VPS13B: variants seen among roughly 807,000 people sequenced by gnomAD.
The protein encoded by VPS13B is intermembrane lipid transfer protein VPS13B.
A neutral mutation model predicts 426.4 loss-of-function variants in VPS13B; 285 were observed. The ratio of observed to expected loss-of-function variants is 0.67; its 90% CI spans 0.61 to 0.74. The LOEUF (loss-of-function observed/expected upper bound fraction) is 0.74. VPS13B is among the 30% of genes least tolerant of loss of function. The pLI is 0.00. For missense variants in VPS13B, 4,537 were observed against 4,782.6 expected, an observed-to-expected ratio of 0.95 and a Z score of 1.51; for synonymous variants, 1,676 against 1,676.4, an observed-to-expected ratio of 1.00 and a Z score of 0.01.
Position 99,178,369 on chromosome 8 carries a change from T to C in VPS13B, c.2333+8206T>C, listed in dbSNP as rs1412431851. On this transcript the variant is annotated intron_variant, in intron 16 of 61. Transcript: ENST00000357162. Reference sequence around the variant, plus strand: ...TTCCCATATTCAAAAGATCAGATAGTGCTTAGGTTAGTGACAGAAGAAAAT... The same window carrying C: ...TTCCCATATTCAAAAGATCAGATAGCGCTTAGGTTAGTGACAGAAGAAAAT... Among the ~76,000 whole-genome samples, 3 of 143,906 alleles carry C rather than the reference T, an allele frequency of 2.1e-5. No individual in the cohort carries two copies. In the East Asian group the frequency reaches 6.3e-4, roughly 30 times the overall value. The allele number at this position is 143,906 out of a possible 152,430, so 94.4% of individuals were successfully genotyped here. A position where few individuals can be genotyped will look rare whatever the true frequency, so the allele number is the denominator to read the frequency against.
At chr8:99,834,022 A>G (rs1815233697) in intron 52 of VPS13B, among the ~76,000 whole-genome samples, 1 of 152,236 alleles carries the variant, frequency 6.6e-6, no homozygotes. Context: ...CACACATTAG[A>G]TGGTGTGATT....
intron 43 of VPS13B, among the ~76,000 whole-genome samples, chr8:99,796,290 G>T (rs1812808673): frequency 6.6e-6 from 1 of 152,182 alleles, no homozygotes; most frequent in South Asian, 2.1e-4. Context: ...ATAAAAGCCA[G>T]ATTACAGTGG....
At chr8:99,050,191 C>A (rs190061436) in intron 3 of VPS13B, among the ~76,000 whole-genome samples, 1 of 151,924 alleles carries the variant, frequency 6.6e-6, no homozygotes, top group Non-Finnish European at 1.5e-5. Flanking sequence ...CCCCTCCCCC[C>A]ACCACACAAC....
intron 39 of VPS13B, among the ~76,000 whole-genome samples, chr8:99,722,184 C>T (rs1833157811): frequency 1.3e-5 from 2 of 152,154 alleles, no homozygotes; most frequent in Non-Finnish European, 1.5e-5. Context: ...CATTACCAAC[C>T]TTGGTCTTCG....
rs1246623533 is a variant in VPS13B, at chr8:99,768,642, C to T, written c.7247+1672C>T. ...ATAATGTGTTTTGTGTTTTATATTT[C>T]ATATATTCTATTTCTAGGTCATTTG... On this transcript the variant is annotated intron_variant, in intron 40 of 61. Coordinates refer to ENST00000357162, the MANE Select transcript of VPS13B (RefSeq NM_152564.5). Among the ~76,000 whole-genome samples, 6 of 152,116 alleles carry T rather than the reference C, an allele frequency of 3.9e-5. No individual in the cohort carries two copies. In the East Asian group the frequency reaches 1.2e-3, roughly 29 times the overall value.
intron 19 of VPS13B, among the ~76,000 whole-genome samples, chr8:99,296,393 A>G (rs1014974996): frequency 5.3e-5 from 8 of 152,184 alleles, no homozygotes; most frequent in African/African-American, 1.9e-4. Flanking sequence ...AGTACTACAT[A>G]TTTATATATA....
At chr8:99,613,208 T>C (rs1349892364) in intron 33 of VPS13B, among the ~76,000 whole-genome samples, 1 of 152,230 alleles carries the variant, frequency 6.6e-6, no homozygotes, top group East Asian at 1.9e-4. Flanking sequence ...CTTTTAGGTC[T>C]TTCTGGAGGG....
intron 33 of VPS13B, 129 bp from the exon 34 acceptor site, chr8:99,641,682 G>A: frequency 1.1e-6 from 1 of 870,282 alleles, no homozygotes; most frequent in Non-Finnish European, 1.7e-6. Flanking sequence ...CTATTTTTCT[G>A]ATTACTGTTT....
chr8:99,625,110 A>G (rs1435272661), intron 33 of VPS13B, among the ~76,000 whole-genome samples: 1 of 152,152 alleles, frequency 6.6e-6, no homozygotes, highest in Non-Finnish European at 1.5e-5. Flanking sequence ...AAGCCTGAGA[A>G]CACACAAACA....
At chr8:99,423,214 A>G (rs1057170465) in intron 21 of VPS13B, among the ~76,000 whole-genome samples, 4 of 151,816 alleles carry the variant, frequency 2.6e-5, no homozygotes, top group Admixed American at 2.0e-4. Flanking sequence ...TACTATTTCC[A>G]TAGCATATTC....
Position 99,661,457 on chromosome 8 carries a change from A to G in VPS13B, c.6012A>G (p.Ile2004Met), listed in dbSNP as rs1303039629. ...AAAGTGGTATTCCACCTTCCTTTAT[A>G]ACACTACAGATTAAAGACTTTCTGA... The part of the protein sequence containing the change: ...DSKSGIPPSF[I>M]TLQIKDFLNG... Residue 2004 changes from isoleucine to methionine, a missense_variant, in exon 35 of 62, where the codon ATA becomes ATG. This residue lies in a region of VPS13B where 4,311 missense variants were observed against 4,474.3 expected (regional missense o/e 0.96). Coordinates refer to ENST00000357162, the MANE Select transcript of VPS13B (RefSeq NM_152564.5). 1 of 1,613,546 alleles carries G rather than the reference A, an allele frequency of 6.2e-7. No homozygotes were observed.
chr8:99,131,167 A>G (rs1045501372), intron 8 of VPS13B, among the ~76,000 whole-genome samples: 1 of 152,190 alleles, frequency 6.6e-6, no homozygotes, highest in African/African-American at 2.4e-5. Flanking sequence ...ACAGGTTGCA[A>G]AGATAGTACA....
rs1451352816 is a variant in VPS13B at position 99,861,862 on chromosome 8, C to T, written c.11131C>T (p.Gln3711Ter). The T allele has an allele frequency of 1.2e-5, 19 of 1,602,098 alleles. No individual in the cohort carries two copies. The highest frequency in any genetic ancestry group is 1.4e-5 in the Non-Finnish European group (17 of 1,175,042). Residue 3711 changes from glutamine (Q) to a stop codon, truncating the protein, a stop_gained, in exon 58 of 62, where the codon CAG becomes TAG. Coordinates refer to ENST00000357162, the MANE Select transcript of VPS13B (RefSeq NM_152564.5). LOFTEE classifies it high-confidence loss of function. ...LSLDEEHYNRQEEWRRQLPES... is the reference protein window; with the variant it reads ...LSLDEEHYNR ...ACTGGATGAGGAGCACTACAACCGG[C>T]AGGAGGAGTGGCGGCGGCAGCTCCC...
intron 16 of VPS13B, among the ~76,000 whole-genome samples, chr8:99,190,842 T>G (rs1364188388): frequency 6.6e-6 from 1 of 152,160 alleles, no homozygotes; most frequent in Non-Finnish European, 1.5e-5. Context: ...TCTTTTTTTT[T>G]TAAAAAATTC....
Position 99,337,480 on chromosome 8 carries a change from T to A in VPS13B, c.2825-46728T>A, listed in dbSNP as rs533126258. Reference sequence around the variant, plus strand: ...TATACGTATGTAACTAACCTGCACATTGTGCACATGTACCCTAAAACTTAA... The same window carrying A: ...TATACGTATGTAACTAACCTGCACAATGTGCACATGTACCCTAAAACTTAA... On this transcript the variant is annotated intron_variant, in intron 19 of 61. Coordinates refer to ENST00000357162, the MANE Select transcript of VPS13B (RefSeq NM_152564.5). Among the ~76,000 whole-genome samples the A allele has an allele frequency of 1.1e-4, 17 of 151,910 alleles. No homozygotes were observed. The South Asian group carries it at 3.3e-3, about 30-fold the overall frequency.
rs371666483 is a variant in VPS13B, at chr8:99,135,747, T to C, written c.1563+14T>C. 2.5e-6 allele frequency: 4 copies of C among 1,612,748 alleles called. No homozygotes were observed. The African/African-American group carries it at 4.0e-5, about 16-fold the overall frequency. On this transcript the variant is annotated intron_variant, in intron 11 of 61. Transcript: ENST00000357162. ...ACTCATCATAAGGTTAGAGAATATA[T>C]ATTTGAACCAAATTCTAGGCTGTGT...
intron 21 of VPS13B, among the ~76,000 whole-genome samples, chr8:99,413,740 TGTGA>T (rs1815826779): frequency 6.6e-6 from 1 of 152,198 alleles, no homozygotes; most frequent in Non-Finnish European, 1.5e-5. Flanking sequence ...GCTGTGTGGT[TGTGA>T]GTGACTTTCT....
At chr8:99,442,882 G>C (rs3105195) in intron 23 of VPS13B, among the ~76,000 whole-genome samples, 3 of 151,762 alleles carry the variant, frequency 2.0e-5, no homozygotes, top group Non-Finnish European at 1.5e-5. Flanking sequence ...AAATGTAAAC[G>C]TAGGAAAAAT....
At position 99,342,595 on chromosome 8, in the gene VPS13B, A is replaced by ATAG. The variant is rs1811313559; in HGVS notation, c.2825-41608_2825-41606dup. Among the ~76,000 whole-genome samples, 5 of 152,158 alleles carry ATAG rather than the reference A, an allele frequency of 3.3e-5. No homozygotes were observed. The South Asian group carries it at 1.0e-3, about 32-fold the overall frequency. On this transcript the variant is annotated intron_variant, in intron 19 of 61. Coordinates refer to ENST00000357162, the MANE Select transcript of VPS13B (RefSeq NM_152564.5). ...ATTTTTATTTACTTTTTAAGGCTGAATAGTAGTCTATTGTGTATATATACT... is the reference window on the plus strand; with the variant it reads ...ATTTTTATTTACTTTTTAAGGCTGAATAGTAGTAGTCTATTGTGTATATATACT...
Sources: allele counts gnomAD v4.1 joint callset (sites outside exome capture counted in the v4.1 genomes callset), GRCh38; gene constraint gnomAD v4.1.1; regional missense constraint gnomAD v4.1.1; transcripts MANE v1.5; gene names NCBI Gene and HGNC (gene_info 2026-07-23, HGNC 2026-07-21).